The following MPP7 variants were observed in gnomAD, a reference collection of about 807,000 sequenced individuals.
MPP7 encodes the protein MAGUK p55 subfamily member 7.
In MPP7, 60 loss-of-function variants were observed where a neutral mutation model predicts 76.5. That is an observed-to-expected ratio of 0.78 (90% CI 0.64 to 0.97). The LOEUF (loss-of-function observed/expected upper bound fraction) is 0.97. Ranked by LOEUF, MPP7 falls within the 50% of genes least tolerant of loss-of-function variation. MPP7 has a pLI of 0.00. For synonymous variants in MPP7, 237 were observed against 244.5 expected, an observed-to-expected ratio of 0.97 and a Z score of 0.29; for missense variants, 641 against 694.0, an observed-to-expected ratio of 0.92 and a Z score of 0.86.
At chr10:28,270,745 T>A (rs1027160299) in intron 1 of MPP7, among the ~76,000 whole-genome samples, 1 of 152,330 alleles carries the variant, frequency 6.6e-6, no homozygotes, top group African/African-American at 2.4e-5. Context: ...TTGGGGAACT[T>A]ATTAAATCAG....
intron 12 of MPP7, among the ~76,000 whole-genome samples, chr10:28,087,273 C>T (rs1853061911): frequency 6.6e-6 from 1 of 152,202 alleles, no homozygotes. Context: ...AGGCCCTCGC[C>T]AGATGCCCAA....
At chr10:28,325,064 AAT>A (rs1216652983) in intron 2 of MPP7, among the ~76,000 whole-genome samples, 2 of 151,956 alleles carry the variant, frequency 1.3e-5, no homozygotes, top group Non-Finnish European at 2.9e-5. Flanking sequence ...GGCTAATTTT[AAT>A]ATATTTTGTA....
chr10:28,138,146 C>A (rs1427714853), intron 5 of MPP7, among the ~76,000 whole-genome samples: 3 of 152,130 alleles, frequency 2.0e-5, no homozygotes, highest in African/African-American at 2.4e-5. Flanking sequence ...TCCATGACTG[C>A]CTAAATTATA....
chr10:28,098,700 G>A (rs1190531838), intron 11 of MPP7, among the ~76,000 whole-genome samples: 1 of 151,958 alleles, frequency 6.6e-6, no homozygotes, highest in Non-Finnish European at 1.5e-5. Context: ...TGTCTCAGAG[G>A]CAAGTTCTAA....
intron 5 of MPP7, 115 bp from the exon 6 acceptor site, chr10:28,131,806 G>T: frequency 4.8e-6 from 2 of 414,094 alleles, no homozygotes; most frequent in Non-Finnish European, 6.8e-6. Context: ...ACAGTGTTAC[G>T]GTTTTGACAT....
chr10:28,157,193 G>C (rs1211662993), intron 3 of MPP7, among the ~76,000 whole-genome samples: 1 of 152,102 alleles, frequency 6.6e-6, no homozygotes, highest in African/African-American at 2.4e-5. Context: ...CTGGGCAGCA[G>C]GGCGAGACTT....
chr10:28,118,162 T>G, intron 11 of MPP7: 1 of 985,002 alleles, frequency 1.0e-6, no homozygotes, highest in Non-Finnish European at 1.2e-6. Context: ...CAATTAATAC[T>G]TCTACATACA....
rs530108542 is a variant in MPP7 at position 28,100,014 on chromosome 10, T to A, written c.953-10173A>T. Among the ~76,000 whole-genome samples, 6 of 151,514 alleles carry A rather than the reference T, an allele frequency of 4.0e-5. No homozygotes were observed. The East Asian group carries it at 1.2e-3, about 29-fold the overall frequency. On this transcript the variant is annotated intron_variant, in intron 11 of 16. Coordinates refer to ENST00000683449, the MANE Select transcript of MPP7 (RefSeq NM_001318170.2). The stretch of plus-strand genomic sequence containing the variant: ...ATCATTGTATGAGTTATTTTTTGCA[T>A]CTTAAAAATCGGATTCATTTGACCA...
At chr10:28,172,944 T>C (rs533323385) in intron 3 of MPP7, among the ~76,000 whole-genome samples, 99 of 152,274 alleles carry the variant, frequency 6.5e-4, no homozygotes, top group African/African-American at 2.3e-3. Context: ...CTGTTCCAGG[T>C]GCTTCATGTG....
chr10:28,124,943 A>G, intron 7 of MPP7, 67 bp downstream of exon 7: 3 of 1,277,596 alleles, frequency 2.3e-6, no homozygotes, highest in Non-Finnish European at 3.4e-6. Flanking sequence ...CCTCTTAGTT[A>G]TCTACTGGAA....
At chr10:28,067,039 G>A (rs966847303) in intron 13 of MPP7, among the ~76,000 whole-genome samples, 3 of 152,116 alleles carry the variant, frequency 2.0e-5, no homozygotes, top group African/African-American at 7.2e-5. Flanking sequence ...ACGTACTTAT[G>A]CATTTCCATT....
At chr10:28,210,695 G>T (rs1339445985) in intron 2 of MPP7, among the ~76,000 whole-genome samples, 1 of 152,168 alleles carries the variant, frequency 6.6e-6, no homozygotes, top group African/African-American at 2.4e-5. Context: ...CTGCTCTGTG[G>T]AAAATAAATG....
intron 13 of MPP7, among the ~76,000 whole-genome samples, chr10:28,063,840 G>C (rs968858428): frequency 7.2e-5 from 11 of 152,116 alleles, no homozygotes; most frequent in African/African-American, 2.7e-4. Flanking sequence ...TTTGGGGACC[G>C]CTGCATAAAA....
rs1344644940 is a variant in MPP7 at position 28,146,412 on chromosome 10, T to TG, written c.315+1070_315+1071insC. On this transcript the variant is annotated intron_variant, in intron 5 of 16. Coordinates refer to ENST00000683449, the MANE Select transcript of MPP7 (RefSeq NM_001318170.2). ...TTTTTTTTTTGTTTTTTTGTTTTTT[T>TG]TTTTTTTGAGACGGAGTCTCGCTCT... 1.0e-4 allele frequency among the ~76,000 whole-genome samples: 15 copies of TG among 150,372 alleles called. No homozygotes were observed. In the South Asian group the frequency reaches 1.7e-3, roughly 17 times the overall value.
chr10:28,268,349 G>A (rs987730865), intron 1 of MPP7, among the ~76,000 whole-genome samples: 2 of 152,346 alleles, frequency 1.3e-5, no homozygotes, highest in African/African-American at 4.8e-5. Flanking sequence ...AGAAGGAACT[G>A]TAGGCAAAGG....
chr10:28,129,008 A>ATT (rs1835108176), intron 6 of MPP7, among the ~76,000 whole-genome samples: 1 of 152,192 alleles, frequency 6.6e-6, no homozygotes. Flanking sequence ...TGGAGGGTAA[A>ATT]CTACAGACTT....
At chr10:28,264,197 G>A (rs1218165290) in intron 1 of MPP7, among the ~76,000 whole-genome samples, 1 of 152,086 alleles carries the variant, frequency 6.6e-6, no homozygotes, top group Non-Finnish European at 1.5e-5. Context: ...TACTTGGGAG[G>A]CTGAGGTGGG....
At position 28,111,677 on chromosome 10, in the gene MPP7, T is replaced by A. The variant is rs539250827; in HGVS notation, c.952+7974A>T. ...TTATCAATGTTATATACATATCAAA[T>A]GAGTTATGCAGAATCATTTATTTTT... On this transcript the variant is annotated intron_variant, in intron 11 of 16. Transcript: ENST00000683449. 4.1e-4 allele frequency among the ~76,000 whole-genome samples: 62 copies of A among 152,340 alleles called. 1 individual carries two copies. The East Asian group carries it at 0.011, about 28-fold the overall frequency.
intron 3 of MPP7, among the ~76,000 whole-genome samples, chr10:28,187,425 T>C (rs1837273388): frequency 6.6e-6 from 1 of 152,164 alleles, no homozygotes; most frequent in Non-Finnish European, 1.5e-5. Flanking sequence ...GGCCTGACAA[T>C]TACCTTTGAT....
Sources: allele counts gnomAD v4.1 joint callset (sites outside exome capture counted in the v4.1 genomes callset), GRCh38; gene constraint gnomAD v4.1.1; transcripts MANE v1.5; gene names NCBI Gene and HGNC (gene_info 2026-07-23, HGNC 2026-07-21).